Variants in TAFA2 observed in about 807,000 individuals in gnomAD.
The protein encoded by TAFA2 is TAFA chemokine like family member 2, also known as chemokine-like protein TAFA-2.
A neutral mutation model predicts 18.8 loss-of-function variants in TAFA2; 7 were observed. The observed-to-expected ratio is 0.37, with a 90% CI of 0.21 to 0.70. The LOEUF (loss-of-function observed/expected upper bound fraction) is 0.70, where lower values mean the gene tolerates loss of function less well. Among genes scored for constraint, TAFA2 ranks in the 30% least tolerant of loss-of-function variants. The pLI, the probability that TAFA2 is intolerant of heterozygous loss-of-function variation, is 0.53. For synonymous variants in TAFA2, 60 were observed against 54.2 expected, an observed-to-expected ratio of 1.11 and a Z score of -0.47; for missense variants, 122 against 158.1, an observed-to-expected ratio of 0.77 and a Z score of 1.23.
At chr12:61,906,646 A>G (rs1198710645) in intron 1 of TAFA2, among the ~76,000 whole-genome samples, 1 of 152,142 alleles carries the variant, frequency 6.6e-6, no homozygotes, top group African/African-American at 2.4e-5. Flanking sequence ...GGTAACAGGC[A>G]GAGGTTTGAA....
intron 1 of TAFA2, among the ~76,000 whole-genome samples, chr12:62,033,714 A>G (rs930518744): frequency 3.3e-5 from 5 of 152,104 alleles, no homozygotes; most frequent in African/African-American, 9.7e-5. Flanking sequence ...TATATACCAA[A>G]TATGTTATAT....
At chr12:61,939,112 G>A (rs997652958) in intron 1 of TAFA2, among the ~76,000 whole-genome samples, 2 of 152,160 alleles carry the variant, frequency 1.3e-5, no homozygotes, top group South Asian at 4.2e-4. Context: ...GTGAGTCCAG[G>A]CACACCCTAC....
At chr12:62,045,859 A>C (rs1264299110) in intron 1 of TAFA2, among the ~76,000 whole-genome samples, 1 of 152,204 alleles carries the variant, frequency 6.6e-6, no homozygotes, top group Non-Finnish European at 1.5e-5. Context: ...AGGCTACCCT[A>C]ACCAGTATTG....
chr12:61,754,793 T>G, intron 3 of TAFA2, 79 bp downstream of exon 3: 2 of 1,430,788 alleles, frequency 1.4e-6, no homozygotes, highest in South Asian at 1.3e-5. Context: ...TGACCTCCCA[T>G]TGAGAGCATT....
chr12:61,879,827 C>A (rs1027297786), intron 1 of TAFA2: 8 of 1,397,050 alleles, frequency 5.7e-6, no homozygotes, highest in Non-Finnish European at 8.0e-6. Flanking sequence ...TGGCAACATG[C>A]AGGAGCTGGT....
At chr12:62,144,287 T>A (rs1211875140) in intron 1 of TAFA2, among the ~76,000 whole-genome samples, 1 of 152,094 alleles carries the variant, frequency 6.6e-6, no homozygotes, top group Non-Finnish European at 1.5e-5. Context: ...AGGTTAGTGT[T>A]GAATATCACT....
chr12:61,733,099 G>A (rs1436232334), intron 4 of TAFA2, among the ~76,000 whole-genome samples: 7 of 151,940 alleles, frequency 4.6e-5, no homozygotes, highest in Admixed American at 6.6e-5. Context: ...CATGTCCTTC[G>A]CCCACTTTTT....
intron 1 of TAFA2, among the ~76,000 whole-genome samples, chr12:62,160,330 T>A (rs1490828574): frequency 6.6e-6 from 1 of 152,192 alleles, no homozygotes; most frequent in African/African-American, 2.4e-5. Context: ...AAAGGTCCAA[T>A]GTTACCTCCT....
chr12:62,146,607 T>C (rs1280368543), intron 1 of TAFA2, among the ~76,000 whole-genome samples: 1 of 152,178 alleles, frequency 6.6e-6, no homozygotes, highest in Non-Finnish European at 1.5e-5. Flanking sequence ...CCTATAACGA[T>C]GGCTCTCTTA....
chr12:61,764,692 T>G (rs1478766871), intron 2 of TAFA2, among the ~76,000 whole-genome samples: 1 of 152,148 alleles, frequency 6.6e-6, no homozygotes, highest in African/African-American at 2.4e-5. Flanking sequence ...GACAATCTTT[T>G]AAACCTTTCA....
At chr12:61,774,803 T>C (rs938468066) in intron 2 of TAFA2, among the ~76,000 whole-genome samples, 1 of 151,686 alleles carries the variant, frequency 6.6e-6, no homozygotes, top group African/African-American at 2.4e-5. Context: ...TGCATAAACC[T>C]ATTGAAATAA....
chr12:62,190,321 T>C (rs769923346), intron 1 of TAFA2, among the ~76,000 whole-genome samples: 4 of 152,140 alleles, frequency 2.6e-5, no homozygotes, highest in African/African-American at 9.7e-5. Context: ...TCTCAAACTT[T>C]CCTTTGCAAA....
intron 1 of TAFA2, among the ~76,000 whole-genome samples, chr12:62,205,365 T>C (rs957855392): frequency 6.6e-6 from 1 of 151,826 alleles, no homozygotes; most frequent in Non-Finnish European, 1.5e-5. Context: ...GCAGAGGGGG[T>C]GCACTGCACA....
chr12:61,806,093 G>A (rs928812664), intron 2 of TAFA2, among the ~76,000 whole-genome samples: 4 of 152,286 alleles, frequency 2.6e-5, no homozygotes, highest in African/African-American at 9.6e-5. Context: ...TGTCTTTGCA[G>A]AGGACATGTA....
At chr12:62,027,877 C>T (rs957680908) in intron 1 of TAFA2, among the ~76,000 whole-genome samples, 1 of 152,170 alleles carries the variant, frequency 6.6e-6, no homozygotes, top group East Asian at 1.9e-4. Flanking sequence ...TGCTTCTGCT[C>T]TACCAAATCC....
chr12:62,215,860 A>G (rs1393460967), intron 1 of TAFA2, among the ~76,000 whole-genome samples: 2 of 152,022 alleles, frequency 1.3e-5, no homozygotes, highest in African/African-American at 4.8e-5. Flanking sequence ...AATAGCAGCT[A>G]CTCTAATGAT....
intron 4 of TAFA2, among the ~76,000 whole-genome samples, chr12:61,734,240 C>T (rs1031638059): frequency 6.6e-6 from 1 of 151,634 alleles, no homozygotes; most frequent in Non-Finnish European, 1.5e-5. Flanking sequence ...TGGAAATCAT[C>T]ATTCTCAGTA....
At chr12:62,046,338 A>C (rs932168832) in intron 1 of TAFA2, among the ~76,000 whole-genome samples, 4 of 152,124 alleles carry the variant, frequency 2.6e-5, no homozygotes, top group Admixed American at 2.0e-4. Context: ...AAAGGAAAAA[A>C]AGATACCATA....
chr12:61,736,591 G>T (rs1868308114), intron 4 of TAFA2, among the ~76,000 whole-genome samples: 1 of 151,934 alleles, frequency 6.6e-6, no homozygotes, highest in South Asian at 2.1e-4. Context: ...TTAGCTAATT[G>T]TTACTTACAA....
Sources: allele counts gnomAD v4.1 joint callset (sites outside exome capture counted in the v4.1 genomes callset), GRCh38; gene constraint gnomAD v4.1.1; transcripts MANE v1.5; gene names NCBI Gene and HGNC (gene_info 2026-07-23, HGNC 2026-07-21).